The following CATSPERE variants were observed in gnomAD, a reference collection of about 807,000 sequenced individuals.
CATSPERE encodes the protein cation channel sperm-associated auxiliary subunit epsilon.
In CATSPERE, 93 loss-of-function variants were observed where a neutral mutation model predicts 114.1. That is an observed-to-expected ratio of 0.81 (90% CI 0.69 to 0.97). The LOEUF (loss-of-function observed/expected upper bound fraction) is 0.97. Ranked by LOEUF, CATSPERE falls within the 50% of genes least tolerant of loss-of-function variation. The pLI, the probability that CATSPERE is intolerant of heterozygous loss-of-function variation, is 0.00. For missense variants in CATSPERE, 1,058 were observed against 1,131.6 expected (o/e 0.93, Z 0.93); for synonymous variants, 341 against 384.1 (o/e 0.89, Z 1.31).
At chr1:244,477,186 G>C (rs1309733824) in intron 2 of CATSPERE, among the ~76,000 whole-genome samples, 1 of 152,094 alleles carries the variant, frequency 6.6e-6, no homozygotes, top group East Asian at 1.9e-4. Context: ...AGTAGAGACA[G>C]GGTTTCACCA....
At chr1:244,527,912 A>G (rs1489741965) in intron 8 of CATSPERE, among the ~76,000 whole-genome samples, 2 of 151,722 alleles carry the variant, frequency 1.3e-5, no homozygotes, top group African/African-American at 2.4e-5. Flanking sequence ...CAATTTTTCC[A>G]CTTTCTGTAA....
chr1:244,494,693 T>G (rs1370492313), intron 6 of CATSPERE, among the ~76,000 whole-genome samples: 6 of 152,034 alleles, frequency 3.9e-5, no homozygotes, highest in Non-Finnish European at 4.4e-5. Context: ...AAAGATATAT[T>G]CAAAATGTTG....
Position 244,552,791 on chromosome 1 carries a change from T to A in CATSPERE, c.1006T>A (p.Cys336Ser). 6.3e-7 allele frequency: 1 copy of A among 1,589,546 alleles called. No individual in the cohort carries two copies. Among genetic ancestry groups the A allele is most frequent in the Non-Finnish European group, 8.5e-7 (1 of 1,169,862 alleles). Residue 336 changes from cysteine to serine, a missense_variant, in exon 9 of 22, where the codon TGT becomes AGT. Cys to Ser is a moderately radical substitution (Grantham distance 112). This residue lies in a region of CATSPERE where 787 missense variants were observed against 905.6 expected (regional missense o/e 0.87). Transcript: ENST00000366534. ...TACTGGCATTTCATCAAGAAAATGGTGTTGGGTCAATTATTTATTAAAGGT... is the reference window on the plus strand; with the variant it reads ...TACTGGCATTTCATCAAGAAAATGGAGTTGGGTCAATTATTTATTAAAGGT... Reference protein sequence around the residue: ...GITGISSRKWCWVNYLLKAKG... With the variant: ...GITGISSRKWSWVNYLLKAKG...
In CATSPERE at chr1:244,561,038, A is replaced by T. The variant is rs199669905; in HGVS notation, c.1400A>T (p.Tyr467Phe). The change falls in exon 10 of 22, where the codon TAC becomes TTC. Residue 467 changes from tyrosine to phenylalanine, a missense_variant. Physicochemically the swap from Tyr to Phe is conservative, Grantham distance 22. This residue lies in a region of CATSPERE where 787 missense variants were observed against 905.6 expected (regional missense o/e 0.87). Transcript: ENST00000366534. ...CTGCTATGGAACAAGCATAGTATCTACTATTGTTACCATAATTTCACCTTT... is the reference window on the plus strand; with the variant it reads ...CTGCTATGGAACAAGCATAGTATCTTCTATTGTTACCATAATTTCACCTTT... The part of the protein sequence containing the change: ...GLLLWNKHSI[Y>F]YCYHNFTFTG... 9.9e-6 allele frequency: 16 copies of T among 1,612,410 alleles called. No homozygotes were observed. Among genetic ancestry groups the T allele is most frequent in the Non-Finnish European group, 1.4e-5 (16 of 1,178,648 alleles).
At chr1:244,475,640 G>A (rs756778754) in intron 2 of CATSPERE, among the ~76,000 whole-genome samples, 5 of 151,046 alleles carry the variant, frequency 3.3e-5, no homozygotes, top group Admixed American at 6.6e-5. Context: ...TGGCTGAAGC[G>A]ATTCTCCTGC....
rs188673700 is a variant in CATSPERE, at chr1:244,489,659, G to T, written c.327-788G>T. Among the ~76,000 whole-genome samples the T allele has an allele frequency of 3.5e-3, 537 of 151,964 alleles. 1 individual carries two copies. The highest frequency in any genetic ancestry group is 6.1e-3 in the Non-Finnish European group (413 of 67,990). On this transcript the variant is annotated intron_variant, in intron 5 of 21. Transcript: ENST00000366534. Reference sequence around the variant, plus strand: ...GTCTGCTTGTCATTTTCCAGTGGCTGTCTTGAATAATGAACCCTCTGGAGG... The same window carrying T: ...GTCTGCTTGTCATTTTCCAGTGGCTTTCTTGAATAATGAACCCTCTGGAGG...
intron 10 of CATSPERE, among the ~76,000 whole-genome samples, chr1:244,571,742 A>T (rs1346064308): frequency 6.6e-6 from 1 of 152,122 alleles, no homozygotes; most frequent in Non-Finnish European, 1.5e-5. Flanking sequence ...TACTGTCAGG[A>T]TTAGTTTCTA....
At chr1:244,451,757 G>C (rs1366809280), upstream of CATSPERE, 4 of 1,601,916 alleles carry the variant, frequency 2.5e-6, no homozygotes, top group Admixed American at 6.8e-5. This position sits in a 1 kb window ranked among gnomAD's most constrained non-coding sequence, Gnocchi z 6.6. Flanking sequence ...CGCGCCCTGG[G>C]GCGGCCGCAA....
At chr1:244,583,171 G>A (rs189546811) in intron 12 of CATSPERE, among the ~76,000 whole-genome samples, 13 of 152,012 alleles carry the variant, frequency 8.6e-5, no homozygotes, top group South Asian at 2.1e-4. Context: ...TAGAATACAC[G>A]TAAAATTGCC....
At position 244,562,888 on chromosome 1, in the gene CATSPERE, T is replaced by C. The variant is rs551812164; in HGVS notation, c.1507+1743T>C. Reference sequence around the variant, plus strand: ...TCCTAATGTTATCCCTCCCCTACCCTCCCAACCCCTGACAGGCCTTGGTGT... The same window carrying C: ...TCCTAATGTTATCCCTCCCCTACCCCCCCAACCCCTGACAGGCCTTGGTGT... On this transcript the variant is annotated intron_variant, in intron 10 of 21. Transcript: ENST00000366534. Among the ~76,000 whole-genome samples, 89 of 149,826 alleles carry C rather than the reference T, an allele frequency of 5.9e-4. No homozygotes were observed. In the Middle Eastern group the frequency reaches 0.01, roughly 17 times the overall value.
rs1333527494 is a variant in CATSPERE at position 244,575,757 on chromosome 1, C to G, written c.1950+2985C>G. Among the ~76,000 whole-genome samples the G allele has an allele frequency of 6.6e-6, 1 of 151,984 alleles. No homozygotes were observed. The highest frequency in any genetic ancestry group is 2.4e-5 in the African/African-American group (1 of 41,358). Reference sequence around the variant, plus strand: ...TGTTCTCCCCTCTCCTTCCCTTTCCCCTAGGGAGCAGCTGGTGGGAGTGGA... The same window carrying G: ...TGTTCTCCCCTCTCCTTCCCTTTCCGCTAGGGAGCAGCTGGTGGGAGTGGA... On this transcript the variant is annotated intron_variant, in intron 11 of 21. Transcript: ENST00000366534. The surrounding 1 kb of genome is among the most constrained non-coding windows in gnomAD (Gnocchi z 4.5).
intron 10 of CATSPERE, among the ~76,000 whole-genome samples, chr1:244,567,527 G>A (rs1663778753): frequency 2.0e-5 from 3 of 151,908 alleles, no homozygotes; most frequent in African/African-American, 7.3e-5. Context: ...CATATTTCTT[G>A]AAGGATTTGT....
chr1:244,634,524 A>C (rs1674368627), intron 20 of CATSPERE, among the ~76,000 whole-genome samples: 1 of 152,192 alleles, frequency 6.6e-6, no homozygotes, highest in South Asian at 2.1e-4. Flanking sequence ...CCTCATTCCA[A>C]GCAATATACT....
intron 2 of CATSPERE, among the ~76,000 whole-genome samples, chr1:244,471,826 A>C (rs968773525): frequency 1.3e-5 from 2 of 152,174 alleles, no homozygotes; most frequent in African/African-American, 4.8e-5. Context: ...TTTCAGATGA[A>C]ACTGCTGTGG....
intron 1 of CATSPERE, 36 bp downstream of exon 1, chr1:244,461,530 G>C: frequency 3.9e-6 from 5 of 1,273,028 alleles, no homozygotes; most frequent in East Asian, 3.1e-5. Context: ...GCGACTAGGC[G>C]GGGATTACCC....
At chr1:244,636,559 T>G (rs1674650645) in intron 21 of CATSPERE, 1 of 152,226 alleles carries the variant, frequency 6.6e-6, no homozygotes, top group Non-Finnish European at 1.5e-5. Context: ...ATGGGGTTGG[T>G]ATGTTTGATT....
At chr1:244,558,051 A>G (rs528027543) in intron 9 of CATSPERE, among the ~76,000 whole-genome samples, 23 of 151,728 alleles carry the variant, frequency 1.5e-4, no homozygotes, top group Non-Finnish European at 2.9e-4. Context: ...GCTGGCCTCA[A>G]GCAATTCTCG....
intron 8 of CATSPERE, among the ~76,000 whole-genome samples, chr1:244,542,386 T>G (rs1658979279): frequency 6.6e-6 from 1 of 152,132 alleles, no homozygotes; most frequent in African/African-American, 2.4e-5. Flanking sequence ...ACGGATATAT[T>G]GAGTAATGGT....
chr1:244,617,755 G>T, intron 20 of CATSPERE, 69 bp downstream of exon 20: 6 of 1,271,564 alleles, frequency 4.7e-6, no homozygotes, highest in Non-Finnish European at 6.4e-6. Flanking sequence ...TTAATTTGAT[G>T]CATCCTATAC....
Sources: gnomAD v4.1 joint callset for allele counts (sites outside exome capture counted in the v4.1 genomes callset) on GRCh38, gnomAD v4.1.1 for gene constraint, gnomAD v4.1.1 regional missense constraint, Gnocchi (gnomAD v3.1) non-coding constraint, MANE v1.5 for transcripts, NCBI Gene and HGNC (gene_info 2026-07-23, HGNC 2026-07-21) for gene names.